The following ZC4H2 variants were observed in gnomAD, a reference collection of about 807,000 sequenced individuals.
ZC4H2 encodes the protein zinc finger C4H2 domain-containing protein.
For missense variants in ZC4H2, 137 were observed against 173.9 expected (o/e 0.79, Z 1.19); for synonymous variants, 84 against 66.3 (o/e 1.27, Z -1.30).
chrX:65,016,362 G>T (rs1332648135), intron 1 of ZC4H2, among the ~76,000 whole-genome samples: 1 of 111,635 alleles, frequency 9.0e-6, no homozygotes, highest in Non-Finnish European at 1.9e-5. Flanking sequence ...TTTACCCTAG[G>T]GAAAGTATTG....
At chrX:64,991,509 A>G (rs1158997977) in intron 1 of ZC4H2, among the ~76,000 whole-genome samples, 1 of 111,880 alleles carries the variant, frequency 8.9e-6, no homozygotes, top group Non-Finnish European at 1.9e-5. Context: ...CTAGAAGTTC[A>G]AGACCAGGCT....
intron 1 of ZC4H2, among the ~76,000 whole-genome samples, chrX:65,023,605 C>T (rs1375167201): frequency 9.0e-6 from 1 of 111,722 alleles, no homozygotes; most frequent in Non-Finnish European, 1.9e-5. Flanking sequence ...AGTCAGGAAA[C>T]AAGAGATGCT....
In ZC4H2 at chrX:64,920,233, T is replaced by G. The variant is rs778806442; in HGVS notation, c.246A>C (p.Gln82His). The G allele has an allele frequency of 9.9e-6, 12 of 1,210,502 alleles. No individual in the cohort carries two copies. Among genetic ancestry groups the G allele is most frequent in the Non-Finnish European group, 1.3e-5 (12 of 895,016 alleles). Residue 82 changes from glutamine to histidine, a missense_variant, in exon 3 of 5, where the codon CAA becomes CAC. Gln to His is a conservative substitution (Grantham distance 24). Transcript: ENST00000374839. The part of the protein sequence containing the change: ...DINVMENTIK[Q>H]SENDLNKLLE... ...GCAGCTTGTTTAGGTCATTCTCAGA[T>G]TGTTTGATAGTGTTTTCCATCTGGA...
upstream of ZC4H2, among the ~76,000 whole-genome samples, chrX:64,978,744 AAAT>A (rs1478721660): frequency 9.0e-6 from 1 of 110,848 alleles, no homozygotes; most frequent in Non-Finnish European, 1.9e-5. Context: ...TGGAAAAAAA[AAAT>A]ATATATATAT....
chrX:64,972,558 G>T (rs1931817164), intron 1 of ZC4H2, among the ~76,000 whole-genome samples: 1 of 112,006 alleles, frequency 8.9e-6, no homozygotes, highest in Non-Finnish European at 1.9e-5. Context: ...ATCAGCATTT[G>T]TAAGGGCAGT....
At chrX:64,979,355 G>T (rs776095217), upstream of ZC4H2, among the ~76,000 whole-genome samples, 1 of 112,876 alleles carries the variant, frequency 8.9e-6, no homozygotes, top group African/African-American at 3.2e-5. Context: ...ACATTTAAGG[G>T]AGATAGCAGT....
intron 1 of ZC4H2, chrX:64,922,318 G>C: frequency 1.0e-5 from 2 of 195,717 alleles, no homozygotes; most frequent in Non-Finnish European, 1.7e-5. Context: ...AAGAAAGAAA[G>C]AATTAGCCAC....
chrX:64,976,025 G>T (rs759218573), intron 1 of ZC4H2, among the ~76,000 whole-genome samples: 12 of 111,611 alleles, frequency 1.1e-4, no homozygotes, highest in Non-Finnish European at 2.1e-4. Context: ...GGGCACACAA[G>T]TACTTTTAAA....
At chrX:64,924,008 A>C (rs768429511) in intron 1 of ZC4H2, among the ~76,000 whole-genome samples, 3 of 112,037 alleles carry the variant, frequency 2.7e-5, no homozygotes, top group Non-Finnish European at 1.9e-5. Context: ...TTATATCCCC[A>C]TCTATCTAGA....
At chrX:64,978,851 G>A (rs900559535), upstream of ZC4H2, among the ~76,000 whole-genome samples, 2 of 111,295 alleles carry the variant, frequency 1.8e-5, no homozygotes, top group Non-Finnish European at 3.8e-5. Context: ...GGGAGAAGCG[G>A]AGGGTTTGTA....
At chrX:64,981,199 T>C (rs1377102989), upstream of ZC4H2, among the ~76,000 whole-genome samples, 3 of 111,653 alleles carry the variant, frequency 2.7e-5, no homozygotes, top group Non-Finnish European at 5.6e-5. Context: ...ACTGTTATTC[T>C]AAAAACAGGG....
At chrX:64,954,948 T>G (rs1038147072) in intron 1 of ZC4H2, among the ~76,000 whole-genome samples, 3 of 111,519 alleles carry the variant, frequency 2.7e-5, no homozygotes, top group South Asian at 3.7e-4. Context: ...GAGAAATAAC[T>G]GGTATTCAAG....
At chrX:64,954,364 A>G (rs1209605929) in intron 1 of ZC4H2, among the ~76,000 whole-genome samples, 21 of 75,934 alleles carry the variant, frequency 2.8e-4, no homozygotes, top group South Asian at 5.1e-4. Flanking sequence ...AATTATATAT[A>G]TATATATAAT....
At chrX:64,975,312 A>G (rs1364738469) in intron 1 of ZC4H2, among the ~76,000 whole-genome samples, 1 of 111,211 alleles carries the variant, frequency 9.0e-6, no homozygotes, top group Admixed American at 9.5e-5. Flanking sequence ...AGAAGAAGAA[A>G]CCAAGGTGCT....
At chrX:64,928,859 C>T (rs1197369209) in intron 1 of ZC4H2, among the ~76,000 whole-genome samples, 5 of 99,018 alleles carry the variant, frequency 5.0e-5, no homozygotes, top group African/African-American at 1.5e-4. Flanking sequence ...TCCTCCTTCT[C>T]CTTCTTCTCC....
At chrX:64,965,415 T>A (rs769308119) in intron 1 of ZC4H2, 18 of 305,664 alleles carry the variant, frequency 5.9e-5, no homozygotes, top group South Asian at 5.1e-4. Flanking sequence ...GTGAAACAGC[T>A]GAACATCCAA....
chrX:64,955,250 T>G (rs1931108482), intron 1 of ZC4H2, among the ~76,000 whole-genome samples: 1 of 111,857 alleles, frequency 8.9e-6, no homozygotes, highest in Non-Finnish European at 1.9e-5. Context: ...GTATAAGAAT[T>G]TCATTCAGTT....
intron 1 of ZC4H2, among the ~76,000 whole-genome samples, chrX:64,930,905 C>G (rs1373860726): frequency 8.9e-6 from 1 of 111,920 alleles, no homozygotes; most frequent in Non-Finnish European, 1.9e-5. Context: ...TCTTCTTTTA[C>G]TGTCTTTTGG....
At chrX:65,028,513 A>G (rs1932902721) in intron 1 of ZC4H2, among the ~76,000 whole-genome samples, 1 of 109,461 alleles carries the variant, frequency 9.1e-6, no homozygotes, top group African/African-American at 3.4e-5. Flanking sequence ...ATTATGTGAC[A>G]ATACCAGGGT....
Sources: gnomAD v4.1 joint callset for allele counts (sites outside exome capture counted in the v4.1 genomes callset) on GRCh38, gnomAD v4.1.1 for gene constraint, MANE v1.5 for transcripts, NCBI Gene and HGNC (gene_info 2026-07-23, HGNC 2026-07-21) for gene names.